POLR3A: variants seen among roughly 807,000 people sequenced by gnomAD.
POLR3A encodes RNA polymerase III subunit A.
A neutral mutation model predicts 152.8 loss-of-function variants in POLR3A; 112 were observed. The ratio of observed to expected loss-of-function variants is 0.73; its 90% confidence interval spans 0.63 to 0.86. The LOEUF is 0.86. POLR3A is among the 40% of genes least tolerant of loss of function. The pLI, the probability that POLR3A is intolerant of heterozygous loss-of-function variation, is 0.00. For missense variants in POLR3A, 1,385 were observed against 1,743.1 expected (o/e 0.79, Z 3.66); for synonymous variants, 615 against 652.1 (o/e 0.94, Z 0.87).
chr10:77,981,929 C>T (rs1257300739), intron 28 of POLR3A, among the ~76,000 whole-genome samples: 1 of 143,992 alleles, frequency 6.9e-6, no homozygotes, highest in East Asian at 2.1e-4. Flanking sequence ...GTCCCAGCTA[C>T]TCGGGAGGCT....
At chr10:77,981,397 C>T in intron 29 of POLR3A, 31 bp downstream of exon 29, 1 of 1,611,200 alleles carries the variant, frequency 6.2e-7, no homozygotes, top group Non-Finnish European at 8.5e-7. Flanking sequence ...TCGGGATGCC[C>T]AGGCAGCCCG....
chr10:77,984,998 C>T (rs956137417), intron 24 of POLR3A, among the ~76,000 whole-genome samples, 172 bp downstream of exon 24: 11 of 152,192 alleles, frequency 7.2e-5, no homozygotes, highest in African/African-American at 2.7e-4. Context: ...TAGACTTTTT[C>T]TTGAGTGGCT....
intron 11 of POLR3A, among the ~76,000 whole-genome samples, chr10:78,011,160 C>T (rs1047946818): frequency 6.6e-6 from 1 of 152,114 alleles, no homozygotes; most frequent in Non-Finnish European, 1.5e-5. Flanking sequence ...ATTGTTATTA[C>T]TATAGGTGCT....
chr10:77,989,508 G>C (rs1408134686), intron 21 of POLR3A, among the ~76,000 whole-genome samples: 1 of 152,230 alleles, frequency 6.6e-6, no homozygotes, highest in Non-Finnish European at 1.5e-5. Flanking sequence ...TCTGTGGACT[G>C]TGTGACATAT....
chr10:78,023,894 T>C (rs550217898), intron 5 of POLR3A, among the ~76,000 whole-genome samples: 1 of 151,760 alleles, frequency 6.6e-6, no homozygotes, highest in Non-Finnish European at 1.5e-5. Flanking sequence ...TCCCAGCACT[T>C]TGGAAGGCTG....
intron 15 of POLR3A, 90 bp from the exon 16 acceptor site, chr10:78,004,978 T>TACAA: frequency 6.1e-6 from 6 of 980,640 alleles, no homozygotes; most frequent in Non-Finnish European, 9.9e-6. Flanking sequence ...ATATAGTTTG[T>TACAA]ACTATATATA....
At chr10:78,020,749 C>T (rs1847571631) in intron 8 of POLR3A, among the ~76,000 whole-genome samples, 1 of 152,126 alleles carries the variant, frequency 6.6e-6, no homozygotes, top group African/African-American at 2.4e-5. Context: ...GATCACGCCA[C>T]TGCACTCCAG....
intron 30 of POLR3A, 29 bp from the exon 31 acceptor site, chr10:77,977,655 A>G: frequency 6.3e-7 from 1 of 1,599,156 alleles, no homozygotes; most frequent in Non-Finnish European, 8.6e-7. Context: ...AACATCAGAG[A>G]GCCTCTAAAC....
intron 26 of POLR3A, 38 bp from the exon 27 acceptor site, chr10:77,982,855 T>A: frequency 6.2e-7 from 1 of 1,604,506 alleles, no homozygotes; most frequent in Non-Finnish European, 8.5e-7. Flanking sequence ...CTGATTCCAG[T>A]GTTGTTCTTC....
chr10:78,019,075 C>T lies in POLR3A; in HGVS notation c.1289+87G>A. 8.5e-6 allele frequency: 8 copies of T among 937,042 alleles called. No homozygotes were observed. In the South Asian group the frequency reaches 1.0e-4, roughly 12 times the overall value. 58.0% of individuals were successfully genotyped at this position (937,042 alleles called of 1,614,324 possible). ...CCAAAATGTCACGCAAACTGTATTT[C>T]TGGATTGCATTCTGTGGCTGAGTAT... On this transcript the variant is annotated intron_variant, in intron 9 of 30. Transcript: ENST00000372371.
Position 77,985,934 on chromosome 10 carries a change from A to G in POLR3A, c.3040T>C (p.Phe1014Leu). Residue 1014 changes from phenylalanine to leucine, a missense_variant, in exon 23 of 31, where the codon TTT (phenylalanine) becomes CTT (leucine). Around this residue, in one of 7 missense-constraint regions of POLR3A, gnomAD observed 178 missense variants for 204.6 expected, o/e 0.87. Coordinates refer to ENST00000372371, the MANE Select transcript of POLR3A (RefSeq NM_007055.4). ...TACTTGTCCCTACAGGTCTCCAGAAACTTTTCTACTTGGGTGGGGGTGATG... is the reference window on the plus strand; with the variant it reads ...TACTTGTCCCTACAGGTCTCCAGAAGCTTTTCTACTTGGGTGGGGGTGATG... ...DRITPTQVEK[F>L]LETCRDKYMR... is the part of the protein sequence containing the mutation. 1 of 1,614,098 alleles carries G rather than the reference A, an allele frequency of 6.2e-7. No individual in the cohort carries two copies. Among genetic ancestry groups the G allele is most frequent in the Non-Finnish European group, 8.5e-7 (1 of 1,179,998 alleles).
Position 78,013,646 on chromosome 10 carries a change from A to C in POLR3A, c.1572+4T>G, listed in dbSNP as rs772682786. 6.2e-7 allele frequency: 1 copy of C among 1,614,016 alleles called. No individual in the cohort carries two copies. The highest frequency in any genetic ancestry group is 8.5e-7 in the Non-Finnish European group (1 of 1,179,938). On this transcript the variant is annotated splice_donor_region_variant and intron_variant, in intron 11 of 30. Transcript: ENST00000372371. ...CAAAAGCTGGGCTGTGCCACCCTAC[A>C]TACCCCCATCAGAACAAGGGCCTCT... is the stretch of plus-strand genomic sequence containing the variant.
In POLR3A at chr10:77,985,935, C is replaced by A. The variant is rs1239107901; in HGVS notation, c.3039G>T (p.Lys1013Asn). The A allele has an allele frequency of 6.2e-7, 1 of 1,614,124 alleles. No homozygotes were observed. The highest frequency in any genetic ancestry group is 1.7e-5 in the Admixed American group (1 of 60,022). The change falls in exon 23 of 31, where the codon AAG becomes AAT. Residue 1013 changes from lysine (K) to asparagine (N), a missense_variant. Lys to Asn is a moderately conservative substitution (Grantham distance 94). Coordinates refer to ENST00000372371, the MANE Select transcript of POLR3A (RefSeq NM_007055.4). Reference protein sequence around the residue: ...LDRITPTQVEKFLETCRDKYM... With the variant: ...LDRITPTQVENFLETCRDKYM... ...ACTTGTCCCTACAGGTCTCCAGAAA[C>A]TTTTCTACTTGGGTGGGGGTGATGC...
In POLR3A at chr10:77,999,617, T is replaced by C. The variant is rs2241550; in HGVS notation, c.2616+364A>G. ...AGAATGATATTAATAATGAGTTACATAAATAGTTGCAAAGAGAGAGGCAGA... is the reference window on the plus strand; with the variant it reads ...AGAATGATATTAATAATGAGTTACACAAATAGTTGCAAAGAGAGAGGCAGA... On this transcript the variant is annotated intron_variant, in intron 19 of 30. Coordinates refer to ENST00000372371, the MANE Select transcript of POLR3A (RefSeq NM_007055.4). 7.7e-4 allele frequency among the ~76,000 whole-genome samples: 117 copies of C among 152,294 alleles called. 1 individual carries two copies. The East Asian group carries it at 0.016, about 20-fold the overall frequency.
intron 6 of POLR3A, 50 bp from the exon 7 acceptor site, chr10:78,022,072 T>C (rs1396935892): frequency 1.2e-6 from 2 of 1,614,082 alleles, no homozygotes; most frequent in Non-Finnish European, 1.7e-6. Flanking sequence ...GTTTGATTTT[T>C]CTCACATTTT....
chr10:77,985,122 G>A (rs371207984), intron 24 of POLR3A, 48 bp downstream of exon 24: 44 of 1,488,958 alleles, frequency 3.0e-5, no homozygotes, highest in Non-Finnish European at 3.9e-5. Flanking sequence ...TGTTTCTCAG[G>A]AAACAGGACA....
At chr10:77,982,533 G>A in intron 27 of POLR3A, 120 bp downstream of exon 27, 1 of 992,812 alleles carries the variant, frequency 1.0e-6, no homozygotes, top group South Asian at 1.3e-5. Context: ...TAACTCCTTG[G>A]GGATAAGGCC....
chr10:78,002,307 G>T lies in POLR3A; in HGVS notation c.2249C>A (p.Ala750Glu). ...PGCTAEETLE[A>E]LILKELSVIR... ...CACAGACAGCTCCTTCAGGATCAGT[G>T]CCTAGTGGGAGAAAAGGAGATCCTT... Residue 750 changes from alanine to glutamate, a missense_variant and splice_region_variant, in exon 17 of 31, where the codon GCA (alanine) becomes GAA (glutamate). Ala to Glu is a moderately radical substitution (Grantham distance 107, BLOSUM62 -1). Coordinates refer to ENST00000372371, the MANE Select transcript of POLR3A (RefSeq NM_007055.4). 1 of 1,582,048 alleles carries T rather than the reference G, an allele frequency of 6.3e-7. No homozygotes were observed. The highest frequency in any genetic ancestry group is 8.6e-7 in the Non-Finnish European group (1 of 1,159,972).
At position 78,009,559 on chromosome 10, in the gene POLR3A, T is replaced by G. The variant is rs1847443973; in HGVS notation, c.1887A>C (p.Glu629Asp). Reference sequence around the variant, plus strand: ...CACAGGAATCATTGGCACAGAGATCTTCCCCTTTGCCACAGTACTGCTTGC... The same window carrying G: ...CACAGGAATCATTGGCACAGAGATCGTCCCCTTTGCCACAGTACTGCTTGC... ...TKGKQYCGKG[E>D]DLCANDSYVT... The change falls in exon 14 of 31, where the codon GAA becomes GAC. Residue 629 changes from glutamate to aspartate, a missense_variant. By Grantham distance (45) the Glu-to-Asp change is conservative. Coordinates refer to ENST00000372371, the MANE Select transcript of POLR3A (RefSeq NM_007055.4). 3 of 1,614,068 alleles carry G rather than the reference T, an allele frequency of 1.9e-6. No individual in the cohort carries two copies. Among genetic ancestry groups the G allele is most frequent in the South Asian group, 2.2e-5 (2 of 91,092 alleles).
Sources: allele counts gnomAD v4.1 joint callset (sites outside exome capture counted in the v4.1 genomes callset), GRCh38; gene constraint gnomAD v4.1.1; regional missense constraint gnomAD v4.1.1; transcripts MANE v1.5; gene names NCBI Gene and HGNC (gene_info 2026-07-23, HGNC 2026-07-21).